DNAI2: variants seen among roughly 807,000 people sequenced by gnomAD.
The protein encoded by DNAI2 is dynein, axonemal, intermediate polypeptide 2.
DNAI2 carries 63 observed loss-of-function variants against 74.7 expected under a neutral mutation model. That is an observed-to-expected ratio of 0.84 (90% confidence interval 0.69 to 1.04). The LOEUF (loss-of-function observed/expected upper bound fraction) is 1.04, where lower values mean the gene tolerates loss of function less well. Among genes scored for constraint, DNAI2 ranks in the 50% least tolerant of loss-of-function variants. The pLI, the probability that DNAI2 is intolerant of heterozygous loss-of-function variation, is 0.00. For missense variants in DNAI2, 688 were observed against 803.2 expected, an observed-to-expected ratio of 0.86 and a Z score of 1.73; for synonymous variants, 289 against 314.9, an observed-to-expected ratio of 0.92 and a Z score of 0.87.
At chr17:74,278,844 C>T (rs1310534004) in intron 1 of DNAI2, among the ~76,000 whole-genome samples, 2 of 152,142 alleles carry the variant, frequency 1.3e-5, no homozygotes, top group Non-Finnish European at 2.9e-5. Flanking sequence ...AAGGTGACAA[C>T]AGTCAGCAAT....
intron 2 of DNAI2, among the ~76,000 whole-genome samples, chr17:74,283,689 C>T (rs907950939): frequency 6.6e-6 from 1 of 151,536 alleles, no homozygotes; most frequent in Non-Finnish European, 1.5e-5. Context: ...GGATCACTTC[C>T]GCTCAGGAGT....
intron 3 of DNAI2, among the ~76,000 whole-genome samples, chr17:74,285,944 T>TAC (rs1446101825): frequency 7.1e-5 from 5 of 70,658 alleles, no homozygotes; most frequent in East Asian, 3.5e-4. Context: ...ATGAGTGCCA[T>TAC]ATACACACAC....
chr17:74,284,447 C>G (rs1157819777), intron 2 of DNAI2, among the ~76,000 whole-genome samples: 3 of 152,054 alleles, frequency 2.0e-5, no homozygotes, highest in Non-Finnish European at 4.4e-5. Context: ...GAGTCTCGCT[C>G]TGTCGCCCAG....
intron 3 of DNAI2, 66 bp from the exon 4 acceptor site, chr17:74,286,911 T>C (rs1223161990): frequency 4.4e-5 from 70 of 1,608,376 alleles, no homozygotes; most frequent in Non-Finnish European, 5.9e-5. Context: ...CAGACTCCAT[T>C]GCAGGCCTGG....
At chr17:74,276,257 G>A (rs1340017741) in intron 1 of DNAI2, among the ~76,000 whole-genome samples, 3 of 152,144 alleles carry the variant, frequency 2.0e-5, no homozygotes, top group Non-Finnish European at 4.4e-5. Context: ...GCCTCCCCGG[G>A]GATGCGGGAG....
intron 2 of DNAI2, 67 bp downstream of exon 2, chr17:74,282,067 G>A: frequency 1.3e-6 from 2 of 1,586,562 alleles, no homozygotes; most frequent in Non-Finnish European, 1.7e-6. Context: ...GCTGGGGCCG[G>A]TGAGTGGTTC....
At chr17:74,306,409 C>T (rs1226981190) in intron 9 of DNAI2, among the ~76,000 whole-genome samples, 1 of 152,174 alleles carries the variant, frequency 6.6e-6, no homozygotes, top group Non-Finnish European at 1.5e-5. Context: ...AGTCATTCAC[C>T]ACCGAGCACT....
intron 1 of DNAI2, 49 bp from the exon 2 acceptor site, chr17:74,281,758 G>T (rs776510205): frequency 1.3e-5 from 21 of 1,592,950 alleles, no homozygotes; most frequent in Non-Finnish European, 1.8e-5. Context: ...TGGAGATAGG[G>T]AAGGGGCCGG....
intron 2 of DNAI2, among the ~76,000 whole-genome samples, 166 bp from the exon 3 acceptor site, chr17:74,284,874 C>T (rs2051615089): frequency 1.3e-5 from 2 of 152,220 alleles, no homozygotes; most frequent in South Asian, 4.1e-4. Flanking sequence ...CTGTGCCCAC[C>T]TGATCACCAG....
chr17:74,279,642 C>T (rs946424319), intron 1 of DNAI2, among the ~76,000 whole-genome samples: 70 of 152,300 alleles, frequency 4.6e-4, no homozygotes, highest in Non-Finnish European at 2.6e-4. Context: ...ATTCTCCTAC[C>T]TCAGCCTCCT....
chr17:74,283,049 C>CTTGTT (rs893084743), intron 2 of DNAI2, among the ~76,000 whole-genome samples: 61 of 152,312 alleles, frequency 4.0e-4, no homozygotes, highest in Middle Eastern at 3.4e-3. Flanking sequence ...CTTTTCCAGA[C>CTTGTT]TTGTTTTGTT....
At chr17:74,309,655 G>C in intron 10 of DNAI2, 1 of 681,980 alleles carries the variant, frequency 1.5e-6, no homozygotes, top group Non-Finnish European at 2.7e-6. Context: ...GCAGGTACCC[G>C]GCATCTCCTA....
intron 3 of DNAI2, among the ~76,000 whole-genome samples, chr17:74,286,313 A>AATAATAAT (rs1293621564): frequency 6.8e-6 from 1 of 148,102 alleles, no homozygotes; most frequent in Non-Finnish European, 1.5e-5. Context: ...TAATAATAAT[A>AATAATAAT]ATAATAATAA....
chr17:74,289,455 A>T, intron 4 of DNAI2, 139 bp from the exon 5 acceptor site: 2 of 1,054,072 alleles, frequency 1.9e-6, no homozygotes, highest in Non-Finnish European at 2.8e-6. Context: ...TGAACCCAGG[A>T]GGCAGAGGTT....
chr17:74,276,502 C>T (rs995832801), intron 1 of DNAI2, among the ~76,000 whole-genome samples: 3 of 152,186 alleles, frequency 2.0e-5, no homozygotes, highest in African/African-American at 7.2e-5. Flanking sequence ...ACTAGTCTCA[C>T]AAGAGGTTGG....
intron 6 of DNAI2, among the ~76,000 whole-genome samples, chr17:74,293,021 G>T (rs923251128): frequency 6.6e-6 from 1 of 151,864 alleles, no homozygotes; most frequent in Non-Finnish European, 1.5e-5. Context: ...TTTTAGTAGA[G>T]ACGGGGTTTC....
At chr17:74,279,374 T>A (rs775008914) in intron 1 of DNAI2, among the ~76,000 whole-genome samples, 1 of 152,110 alleles carries the variant, frequency 6.6e-6, no homozygotes, top group Non-Finnish European at 1.5e-5. Flanking sequence ...CTTGAGGGGA[T>A]GGATGGATAC....
chr17:74,288,557 T>C (rs1038569300), intron 4 of DNAI2, among the ~76,000 whole-genome samples: 1 of 152,222 alleles, frequency 6.6e-6, no homozygotes, highest in South Asian at 2.1e-4. Context: ...AATCAATTTC[T>C]GTTGTTTGAA....
At chr17:74,293,980 AC>A (rs2052279913) in intron 6 of DNAI2, among the ~76,000 whole-genome samples, 1 of 151,338 alleles carries the variant, frequency 6.6e-6, no homozygotes. Context: ...ATGAGGTTTT[AC>A]CATGTTGGCC....
Sources: allele counts gnomAD v4.1 joint callset (sites outside exome capture counted in the v4.1 genomes callset), GRCh38; gene constraint gnomAD v4.1.1; transcripts MANE v1.5; gene names NCBI Gene and HGNC (gene_info 2026-07-23, HGNC 2026-07-21).